Variants in CTNNA2 observed in about 807,000 individuals in gnomAD.
CTNNA2 encodes catenin alpha-2.
A neutral mutation model predicts 101.0 loss-of-function variants in CTNNA2; 42 were observed. The observed-to-expected ratio is 0.42, with a 90% CI of 0.32 to 0.54. CTNNA2 has a LOEUF of 0.54. Among genes scored for constraint, CTNNA2 ranks in the 20% least tolerant of loss-of-function variants. The pLI is 0.14. For missense variants in CTNNA2, 871 were observed against 1,223.1 expected, an observed-to-expected ratio of 0.71 and a Z score of 4.29; for synonymous variants, 450 against 456.4, an observed-to-expected ratio of 0.99 and a Z score of 0.18.
In CTNNA2 at chr2:80,334,718, ACAAT is replaced by A. The variant is rs1399637767; in HGVS notation, c.1057-58490_1057-58487del. Among the ~76,000 whole-genome samples, 4 of 152,168 alleles carry A rather than the reference ACAAT, an allele frequency of 2.6e-5. No individual in the cohort carries two copies. The East Asian group carries it at 7.7e-4, about 29-fold the overall frequency. ...GGTGAGTGAAATCCTCTCTTGATAC[ACAAT>A]CAGAGCACCTTCACTCCTTCTAATA... On this transcript the variant is annotated intron_variant, in intron 7 of 18. Coordinates refer to ENST00000402739, the MANE Select transcript of CTNNA2 (RefSeq NM_001282597.3).
At chr2:80,220,412 G>A (rs79399962) in intron 7 of CTNNA2, among the ~76,000 whole-genome samples, 2 of 152,128 alleles carry the variant, frequency 1.3e-5, no homozygotes, top group African/African-American at 4.8e-5. Context: ...ACAGTAAGTT[G>A]CCTAGTTTTT....
intron 3 of CTNNA2, among the ~76,000 whole-genome samples, chr2:79,322,283 G>C (rs1282510118): frequency 1.3e-5 from 2 of 152,168 alleles, no homozygotes; most frequent in Admixed American, 1.3e-4. Flanking sequence ...ATAGACTGCG[G>C]GGGGCTGCCA....
chr2:80,630,469 T>C (rs1302791726), intron 18 of CTNNA2, among the ~76,000 whole-genome samples: 1 of 151,810 alleles, frequency 6.6e-6, no homozygotes, highest in Non-Finnish European at 1.5e-5. Context: ...AAACCCCGTC[T>C]CTACTAAAAA....
intron 1 of CTNNA2, among the ~76,000 whole-genome samples, chr2:79,623,594 A>T (rs886207583): frequency 2.6e-5 from 4 of 152,196 alleles, no homozygotes; most frequent in African/African-American, 4.8e-5. Context: ...AATTTTATAT[A>T]TGTGCTTTCC....
At chr2:79,508,048 T>G (rs182683430), upstream of CTNNA2, among the ~76,000 whole-genome samples, 80 of 152,310 alleles carry the variant, frequency 5.3e-4, 2 homozygotes, top group African/African-American at 1.9e-3. Flanking sequence ...TTTCAGGAAT[T>G]TCTCCTCTTC....
At chr2:80,384,802 A>T (rs1253179867) in intron 7 of CTNNA2, among the ~76,000 whole-genome samples, 3 of 152,054 alleles carry the variant, frequency 2.0e-5, no homozygotes, top group Non-Finnish European at 4.4e-5. Context: ...AACTCCTCAG[A>T]CAGTGCTCCA....
chr2:80,433,058 G>A (rs1681688549), intron 9 of CTNNA2, among the ~76,000 whole-genome samples: 1 of 151,928 alleles, frequency 6.6e-6, no homozygotes, highest in African/African-American at 2.4e-5. Context: ...GCCTGTGATG[G>A]GACCTATCCC....
intron 18 of CTNNA2, among the ~76,000 whole-genome samples, chr2:80,646,736 C>T (rs540597518): frequency 6.6e-6 from 1 of 152,070 alleles, no homozygotes; most frequent in East Asian, 1.9e-4. Flanking sequence ...GGTGATGGGC[C>T]TCTAAACCTA....
chr2:80,024,850 C>T (rs1694835178), intron 7 of CTNNA2, among the ~76,000 whole-genome samples: 1 of 152,170 alleles, frequency 6.6e-6, no homozygotes, highest in South Asian at 2.1e-4. Flanking sequence ...TACACTCTGT[C>T]ACTTGGTACC....
At chr2:79,985,916 T>C (rs1044327011) in intron 7 of CTNNA2, among the ~76,000 whole-genome samples, 3 of 152,146 alleles carry the variant, frequency 2.0e-5, no homozygotes, top group African/African-American at 7.2e-5. Flanking sequence ...TATCTGTCCT[T>C]ATTCCCTCTA....
intron 8 of CTNNA2, among the ~76,000 whole-genome samples, chr2:80,409,806 T>C (rs1679404739): frequency 6.6e-6 from 1 of 152,206 alleles, no homozygotes. Flanking sequence ...CACTTAAAAA[T>C]CCTGACTAAA....
At chr2:79,321,391 G>T (rs2104409520) in intron 3 of CTNNA2, among the ~76,000 whole-genome samples, 1 of 149,836 alleles carries the variant, frequency 6.7e-6, no homozygotes, top group Non-Finnish European at 1.5e-5. Flanking sequence ...CAATACGTAT[G>T]AAAGTAATTT....
chr2:79,506,584 G>A (rs1352731459), intron 5 of CTNNA2, among the ~76,000 whole-genome samples: 2 of 152,184 alleles, frequency 1.3e-5, no homozygotes, highest in African/African-American at 4.8e-5. Context: ...AACACAGAGT[G>A]TTTTCATCTT....
intron 7 of CTNNA2, among the ~76,000 whole-genome samples, chr2:80,334,971 G>A (rs1375859334): frequency 6.6e-6 from 1 of 152,166 alleles, no homozygotes; most frequent in African/African-American, 2.4e-5. Context: ...TTCCCAATAA[G>A]TTATAGGTGC....
At chr2:79,774,353 G>C (rs1673809100) in intron 3 of CTNNA2, among the ~76,000 whole-genome samples, 1 of 152,164 alleles carries the variant, frequency 6.6e-6, no homozygotes, top group African/African-American at 2.4e-5. Context: ...GTAGTTGAAA[G>C]CCTCTGTATT....
chr2:80,393,954 C>T (rs1261369756), intron 8 of CTNNA2, among the ~76,000 whole-genome samples: 1 of 152,108 alleles, frequency 6.6e-6, no homozygotes, highest in Admixed American at 6.5e-5. Context: ...ATGATGAACT[C>T]CTCTTTCTTT....
intron 2 of CTNNA2, among the ~76,000 whole-genome samples, chr2:79,242,060 C>T (rs1674633955): frequency 2.0e-5 from 3 of 152,128 alleles, no homozygotes; most frequent in Admixed American, 2.0e-4. Context: ...CCCCCGCCAC[C>T]ACTCCTGGCT....
At chr2:79,264,498 A>C (rs1028708107) in intron 2 of CTNNA2, among the ~76,000 whole-genome samples, 5 of 152,152 alleles carry the variant, frequency 3.3e-5, no homozygotes, top group Non-Finnish European at 7.4e-5. Flanking sequence ...TCATGAGATG[A>C]TCAGACTGAA....
At chr2:80,570,673 A>AT (rs1694505484) in intron 12 of CTNNA2, among the ~76,000 whole-genome samples, 1 of 152,114 alleles carries the variant, frequency 6.6e-6, no homozygotes, top group Non-Finnish European at 1.5e-5. Flanking sequence ...CTGAGCCTCT[A>AT]TTTTAAAAAT....
Sources: allele counts gnomAD v4.1 joint callset (sites outside exome capture counted in the v4.1 genomes callset), GRCh38; gene constraint gnomAD v4.1.1; transcripts MANE v1.5; gene names NCBI Gene and HGNC (gene_info 2026-07-23, HGNC 2026-07-21).